AR: variants seen among roughly 807,000 people sequenced by gnomAD.
The protein encoded by AR is androgen receptor.
In AR, 8 loss-of-function variants were observed where a neutral mutation model predicts 53.9. That is an observed-to-expected ratio of 0.15 (90% CI 0.09 to 0.27). The LOEUF (loss-of-function observed/expected upper bound fraction) is 0.27. AR is among the 10% of genes least tolerant of loss of function. The probability of loss-of-function intolerance (pLI) is 1.00; values close to 1 mark genes in which losing one functional copy is unlikely to be tolerated. For missense variants in AR, 639 were observed against 742.5 expected (o/e 0.86, Z 1.62); for synonymous variants, 359 against 316.4 (o/e 1.13, Z -1.43).
At chrX:67,714,701 C>G (rs2076106135) in intron 4 of AR, among the ~76,000 whole-genome samples, 1 of 112,305 alleles carries the variant, frequency 8.9e-6, no homozygotes, top group Non-Finnish European at 1.9e-5. Context: ...AATGACTCCT[C>G]TCTGTTTCTC....
chrX:67,701,709 C>T (rs770296717), intron 3 of AR, among the ~76,000 whole-genome samples: 1 of 109,571 alleles, frequency 9.1e-6, no homozygotes, highest in Admixed American at 9.6e-5. Flanking sequence ...CACACACACA[C>T]ATGCACACAC....
At chrX:67,716,075 A>G (rs899447383) in intron 4 of AR, among the ~76,000 whole-genome samples, 1 of 111,918 alleles carries the variant, frequency 8.9e-6, no homozygotes, top group African/African-American at 3.3e-5. Context: ...CTCATTTTAC[A>G]AAAGGAAAAA....
At chrX:67,637,518 T>C (rs758394674) in intron 1 of AR, among the ~76,000 whole-genome samples, 26 of 108,921 alleles carry the variant, frequency 2.4e-4, no homozygotes, top group African/African-American at 7.7e-4. Flanking sequence ...CATCCTTTTT[T>C]ATGGCTGCAT....
intron 1 of AR, among the ~76,000 whole-genome samples, chrX:67,630,622 G>A (rs1422101511): frequency 1.8e-5 from 2 of 110,627 alleles, no homozygotes; most frequent in African/African-American, 6.6e-5. Context: ...TTTAATTGGA[G>A]CATTTAGTCC....
chrX:67,602,080 C>T (rs1199022809), intron 1 of AR, among the ~76,000 whole-genome samples: 2 of 111,923 alleles, frequency 1.8e-5, no homozygotes, highest in East Asian at 5.6e-4. Flanking sequence ...GAGACAGAAC[C>T]ATAACCTCTT....
chrX:67,657,445 A>G (rs1262825882), intron 2 of AR, among the ~76,000 whole-genome samples: 1 of 111,342 alleles, frequency 9.0e-6, no homozygotes, highest in Non-Finnish European at 1.9e-5. Flanking sequence ...TGTACTCCAC[A>G]TCACTTCATG....
intron 3 of AR, among the ~76,000 whole-genome samples, chrX:67,706,311 G>A (rs766866937): frequency 4.5e-5 from 5 of 111,309 alleles, no homozygotes; most frequent in Non-Finnish European, 9.4e-5. Context: ...ATTAATTATT[G>A]CCTCAATTTC....
chrX:67,717,999 T>G (rs2076120697), intron 5 of AR, among the ~76,000 whole-genome samples: 1 of 112,864 alleles, frequency 8.9e-6, no homozygotes, highest in Non-Finnish European at 1.9e-5. Flanking sequence ...CAAAGGCTAC[T>G]TCTAGTCACC....
At chrX:67,644,946 G>A (rs753667009) in intron 2 of AR, among the ~76,000 whole-genome samples, 1 of 111,083 alleles carries the variant, frequency 9.0e-6, no homozygotes, top group South Asian at 3.9e-4. Context: ...ATGAAAGGAT[G>A]GCTGTCAGAA....
intron 1 of AR, among the ~76,000 whole-genome samples, chrX:67,561,381 G>A (rs959409542): frequency 2.7e-5 from 3 of 111,688 alleles, no homozygotes; most frequent in African/African-American, 9.8e-5. Context: ...TTAAGCAACT[G>A]CAGATGGAAA....
Position 67,546,408 on chromosome X carries a change from G to T in AR, c.1262G>T (p.Gly421Val). 8.4e-7 allele frequency: 1 copy of T among 1,185,309 alleles called. No individual in the cohort carries two copies. The highest frequency in any genetic ancestry group is 3.1e-5 in the East Asian group (1 of 32,298). The change falls in exon 1 of 8, where the codon GGA (glycine) becomes GTA (valine). Residue 421 changes from glycine to valine, a missense_variant. By Grantham distance (109) the Gly-to-Val change is moderately radical. Coordinates refer to ENST00000374690, the MANE Select transcript of AR (RefSeq NM_000044.6). ...AGCCTGCATGGCGCGGGTGCAGCGG[G>T]ACCCGGTTCTGGGTCACCCTCAGCC... ...LASLHGAGAAGPGSGSPSAAA... is the reference protein window; with the variant it reads ...LASLHGAGAAVPGSGSPSAAA...
At chrX:67,669,716 G>A (rs1927448912) in intron 2 of AR, among the ~76,000 whole-genome samples, 1 of 110,433 alleles carries the variant, frequency 9.1e-6, no homozygotes, top group Admixed American at 9.7e-5. Context: ...TTAGATACCT[G>A]GGTGCTCCAG....
intron 3 of AR, among the ~76,000 whole-genome samples, chrX:67,697,366 C>A (rs1377831228): frequency 1.8e-5 from 2 of 111,547 alleles, no homozygotes; most frequent in East Asian, 5.7e-4. Flanking sequence ...TAGTAAAAAA[C>A]ATCATTGATT....
chrX:67,614,636 T>A (rs977392653), intron 1 of AR, among the ~76,000 whole-genome samples: 3 of 111,022 alleles, frequency 2.7e-5, no homozygotes, highest in Non-Finnish European at 5.7e-5. Context: ...CAATATAGTA[T>A]CTAAAATATT....
intron 2 of AR, among the ~76,000 whole-genome samples, chrX:67,670,922 GGA>G (rs2075861002): frequency 9.0e-6 from 1 of 111,322 alleles, no homozygotes; most frequent in African/African-American, 3.3e-5. Flanking sequence ...TCCCTGCAAA[GGA>G]CATGAACTCA....
chrX:67,608,312 A>T (rs563191983), intron 1 of AR, among the ~76,000 whole-genome samples: 1 of 112,129 alleles, frequency 8.9e-6, no homozygotes, highest in East Asian at 2.8e-4. Context: ...ATGTCCTTCT[A>T]TCTTATTGTA....
chrX:67,633,400 T>C (rs1361383704), intron 1 of AR, among the ~76,000 whole-genome samples: 1 of 112,049 alleles, frequency 8.9e-6, no homozygotes, highest in Non-Finnish European at 1.9e-5. Flanking sequence ...TGGTTTTCTG[T>C]TCCTGCTTTA....
intron 3 of AR, among the ~76,000 whole-genome samples, chrX:67,701,294 A>G (rs922395271): frequency 4.5e-5 from 5 of 111,513 alleles, no homozygotes; most frequent in East Asian, 2.8e-4. Flanking sequence ...ACTGGACAGT[A>G]CAAGTCTAGA....
At chrX:67,645,519 C>T (rs924328146) in intron 2 of AR, among the ~76,000 whole-genome samples, 3 of 109,129 alleles carry the variant, frequency 2.7e-5, no homozygotes, top group Admixed American at 9.8e-5. Flanking sequence ...GGTTTCAAAA[C>T]GCTCTACACC....
Sources: gnomAD v4.1 joint callset for allele counts (sites outside exome capture counted in the v4.1 genomes callset) on GRCh38, gnomAD v4.1.1 for gene constraint, MANE v1.5 for transcripts, NCBI Gene and HGNC (gene_info 2026-07-23, HGNC 2026-07-21) for gene names.